SRGAP1: variants seen among roughly 807,000 people sequenced by gnomAD.
The protein encoded by SRGAP1 is SLIT-ROBO Rho GTPase activating protein 1.
In SRGAP1, 43 loss-of-function variants were observed where a neutral mutation model predicts 121.9. The ratio of observed to expected loss-of-function variants is 0.35; its 90% confidence interval spans 0.28 to 0.46. The LOEUF (loss-of-function observed/expected upper bound fraction) is 0.46. SRGAP1 is among the 20% of genes least tolerant of loss of function. The pLI, the probability that SRGAP1 is intolerant of heterozygous loss-of-function variation, is 1.00. For missense variants in SRGAP1, 1,102 were observed against 1,350.9 expected (o/e 0.82, Z 2.89); for synonymous variants, 447 against 485.4 (o/e 0.92, Z 1.04).
chr12:64,068,278 A>G (rs2035575499), intron 8 of SRGAP1, among the ~76,000 whole-genome samples: 2 of 140,674 alleles, frequency 1.4e-5, no homozygotes, highest in African/African-American at 2.7e-5. Flanking sequence ...GTCTCAAAAA[A>G]AAAAAAAAAA....
At chr12:64,080,200 G>T in intron 9 of SRGAP1, 86 bp from the exon 10 acceptor site, 1 of 1,085,594 alleles carries the variant, frequency 9.2e-7, no homozygotes, top group Non-Finnish European at 1.3e-6. Flanking sequence ...CCAAGATCGC[G>T]CCACTGCACT....
chr12:63,871,559 C>T (rs1353676060), intron 1 of SRGAP1, among the ~76,000 whole-genome samples: 1 of 152,152 alleles, frequency 6.6e-6, no homozygotes, highest in Non-Finnish European at 1.5e-5. Flanking sequence ...ACACCTGACT[C>T]TAGAACAACC....
At chr12:64,048,350 G>A (rs746297391) in intron 6 of SRGAP1, among the ~76,000 whole-genome samples, 9 of 152,076 alleles carry the variant, frequency 5.9e-5, no homozygotes, top group Non-Finnish European at 8.8e-5. Context: ...TTTCATGGCC[G>A]AATAGAACTC....
chr12:63,976,565 G>A (rs1020921490), intron 1 of SRGAP1, among the ~76,000 whole-genome samples: 7 of 152,118 alleles, frequency 4.6e-5, no homozygotes, highest in Non-Finnish European at 8.8e-5. Context: ...TTATGTCCAC[G>A]AATAAGGAGC....
chr12:63,951,956 A>C (rs1051754138), intron 1 of SRGAP1, among the ~76,000 whole-genome samples: 1 of 152,056 alleles, frequency 6.6e-6, no homozygotes, highest in African/African-American at 2.4e-5. Context: ...AGGTGGGGGT[A>C]GGTTAAGTGT....
intron 1 of SRGAP1, among the ~76,000 whole-genome samples, chr12:63,928,948 T>G (rs1347851892): frequency 2.0e-5 from 3 of 152,158 alleles, no homozygotes; most frequent in African/African-American, 7.2e-5. Context: ...GGCAGTAACA[T>G]AAGCAATGGG....
intron 1 of SRGAP1, among the ~76,000 whole-genome samples, chr12:63,958,749 A>C (rs1305456417): frequency 6.6e-6 from 1 of 152,192 alleles, no homozygotes; most frequent in Non-Finnish European, 1.5e-5. Flanking sequence ...ATGAATTGAA[A>C]TTAAGTCCTA....
rs1190485396 is a variant in SRGAP1, at chr12:64,079,047, C to G, written c.1254C>G (p.Thr418=). Reference sequence around the variant, plus strand: ...CAGTGAAGTCCACTGTCTCTGAAACCTACCTGAGTAAACCCAGCATCGCCA... The same window carrying G: ...CAGTGAAGTCCACTGTCTCTGAAACGTACCTGAGTAAACCCAGCATCGCCA... ...TESVKSTVSE[T]YLSKPSIAKR... is the part of the protein sequence containing the mutation. Residue 418 remains threonine (T), a synonymous_variant, in exon 9 of 22, where the codon ACC becomes ACG. Transcript: ENST00000355086. 6.2e-7 allele frequency: 1 copy of G among 1,614,122 alleles called. No homozygotes were observed. The highest frequency in any genetic ancestry group is 8.5e-7 in the Non-Finnish European group (1 of 1,180,002).
chr12:63,979,210 T>C lies in SRGAP1; in HGVS notation c.68-4737T>C, dbSNP rs200891583. ...GCACACCACCACGCCCAGCTAATTT[T>C]TGTATTTTTAGTAGAGATGGGGTTT... is the stretch of plus-strand genomic sequence containing the variant. On this transcript the variant is annotated intron_variant, in intron 1 of 21. Transcript: ENST00000355086. Among the ~76,000 whole-genome samples, 70 of 152,126 alleles carry C rather than the reference T, an allele frequency of 4.6e-4. 1 individual carries two copies. The East Asian group carries it at 4.8e-3, about 11-fold the overall frequency.
In SRGAP1 at chr12:64,078,969, C is replaced by T. The variant is rs1390217323; in HGVS notation, c.1176C>T (p.Thr392=). ...ATLQTIQDMV[T]IEDYDVSECF... is the part of the protein sequence containing the mutation. ...TGCAGACGATACAAGATATGGTCAC[C>T]ATCGAGGACTATGATGTTTCTGAAT... The change falls in exon 9 of 22, where the codon ACC becomes ACT. Residue 392 remains threonine (T), a synonymous_variant. Transcript: ENST00000355086. 6.2e-7 allele frequency: 1 copy of T among 1,614,080 alleles called. No individual in the cohort carries two copies. The highest frequency in any genetic ancestry group is 8.5e-7 in the Non-Finnish European group (1 of 1,179,990).
chr12:63,999,047 T>G (rs1477461813), intron 3 of SRGAP1, among the ~76,000 whole-genome samples: 1 of 152,106 alleles, frequency 6.6e-6, no homozygotes, highest in African/African-American at 2.4e-5. Context: ...CCTTACTTCT[T>G]ATGACTTGGA....
At chr12:64,023,633 G>T (rs888388721) in intron 4 of SRGAP1, among the ~76,000 whole-genome samples, 2 of 152,308 alleles carry the variant, frequency 1.3e-5, no homozygotes, top group Middle Eastern at 3.4e-3. Context: ...TTAATTGTGT[G>T]TAATTGATTA....
At chr12:63,879,153 C>A in intron 1 of SRGAP1, 1 of 152,870 alleles carries the variant, frequency 6.5e-6, no homozygotes, top group Non-Finnish European at 1.5e-5. Context: ...TATTGGTGAG[C>A]ACCACCATGC....
intron 4 of SRGAP1, among the ~76,000 whole-genome samples, chr12:64,030,063 G>A (rs965615605): frequency 5.3e-5 from 8 of 152,096 alleles, no homozygotes; most frequent in Non-Finnish European, 1.2e-4. Context: ...GGATAAAATA[G>A]CATTTATTTC....
chr12:64,017,061 T>C (rs1304109527), intron 4 of SRGAP1, 49 bp downstream of exon 4: 2 of 1,149,094 alleles, frequency 1.7e-6, no homozygotes, highest in Non-Finnish European at 2.5e-6. Flanking sequence ...GTTAGAATTC[T>C]GGTTTGTAAA....
chr12:63,933,258 T>C (rs775144379), intron 1 of SRGAP1, among the ~76,000 whole-genome samples: 1 of 152,098 alleles, frequency 6.6e-6, no homozygotes, highest in Non-Finnish European at 1.5e-5. Flanking sequence ...AAGAACCATA[T>C]GTCCTTGCAG....
intron 1 of SRGAP1, among the ~76,000 whole-genome samples, chr12:63,898,249 A>G (rs975633848): frequency 4.6e-5 from 7 of 152,252 alleles, no homozygotes; most frequent in African/African-American, 1.2e-4. Context: ...CTTTTAATTC[A>G]TTCAGAAATG....
intron 1 of SRGAP1, among the ~76,000 whole-genome samples, chr12:63,846,749 C>T (rs1263343899): frequency 6.6e-6 from 1 of 152,178 alleles, no homozygotes; most frequent in African/African-American, 2.4e-5. Context: ...GCTTTACCTC[C>T]TCCTGCAGTA....
intron 1 of SRGAP1, among the ~76,000 whole-genome samples, chr12:63,857,260 GT>G (rs143740880): frequency 0.034 from 5,230 of 151,684 alleles, 330 homozygotes; most frequent in African/African-American, 0.12. Context: ...TGTATTTTTA[GT>G]AGAGATGGGA....
Sources: allele counts gnomAD v4.1 joint callset (sites outside exome capture counted in the v4.1 genomes callset), GRCh38; gene constraint gnomAD v4.1.1; transcripts MANE v1.5; gene names NCBI Gene and HGNC (gene_info 2026-07-23, HGNC 2026-07-21).